The following RAB27A variants were observed in gnomAD, a reference collection of about 807,000 sequenced individuals.
The protein encoded by RAB27A is ras-related protein Rab-27A.
A neutral mutation model predicts 20.8 loss-of-function variants in RAB27A; 17 were observed. The observed-to-expected ratio is 0.82, with a 90% CI of 0.56 to 1.23. The LOEUF (loss-of-function observed/expected upper bound fraction) is 1.23, where lower values mean the gene tolerates loss of function less well. Ranked by LOEUF, RAB27A falls within the 50% of genes most tolerant of loss-of-function variation. RAB27A has a pLI of 0.00. For missense variants in RAB27A, 277 were observed against 266.7 expected (o/e 1.04, Z -0.27); for synonymous variants, 85 against 92.8 (o/e 0.92, Z 0.48).
At chr15:55,253,186 G>T (rs1367212793) in intron 2 of RAB27A, among the ~76,000 whole-genome samples, 2 of 147,582 alleles carry the variant, frequency 1.4e-5, no homozygotes, top group Non-Finnish European at 1.5e-5. Context: ...GGTGGCTCAT[G>T]CCTATAATCC....
chr15:55,292,557 G>A (rs1233971013), upstream of RAB27A, among the ~76,000 whole-genome samples: 3 of 152,242 alleles, frequency 2.0e-5, no homozygotes, highest in Admixed American at 6.5e-5. Flanking sequence ...ATGTAGGGGT[G>A]TGAAAGAGAG....
intron 2 of RAB27A, among the ~76,000 whole-genome samples, chr15:55,305,656 G>A (rs2054993560): frequency 6.6e-6 from 1 of 152,166 alleles, no homozygotes; most frequent in Admixed American, 6.5e-5. Context: ...GACAATTCCA[G>A]ATTGATTAAC....
At chr15:55,240,996 G>A (rs528656201) in intron 2 of RAB27A, among the ~76,000 whole-genome samples, 1 of 152,284 alleles carries the variant, frequency 6.6e-6, no homozygotes, top group Admixed American at 6.5e-5. Flanking sequence ...CTGAGCTAGT[G>A]TATACACACA....
chr15:55,210,224 T>TACATACACACATGTATGTGTGTATGTAC (rs1894950465), intron 6 of RAB27A, among the ~76,000 whole-genome samples: 1 of 150,320 alleles, frequency 6.7e-6, no homozygotes, highest in Non-Finnish European at 1.5e-5. Context: ...TGTGTATGTA[T>TACATACACACATGTATGTGTGTATGTAC]ATATACACAC....
Position 55,228,707 on chromosome 15 carries a change from C to G in RAB27A, c.245G>C (p.Arg82Pro). 1 of 1,610,856 alleles carries G rather than the reference C, an allele frequency of 6.2e-7. No homozygotes were observed. Among genetic ancestry groups the G allele is most frequent in the South Asian group, 1.1e-5 (1 of 91,028 alleles). The change falls in exon 5 of 7, where the codon CGT (arginine) becomes CCT (proline). Residue 82 changes from arginine (R) to proline (P), a missense_variant. Transcript: ENST00000336787. The part of the protein sequence containing the change: ...LWDTAGQERF[R>P]SLTTAFFRDA... The stretch of plus-strand genomic sequence containing the variant: ...TCTGAAGAACGCTGTCGTTAAGCTA[C>G]GAAACCTAGGAACATAAAAGCAGAA...
chr15:55,291,601 G>A (rs1262269692), upstream of RAB27A, among the ~76,000 whole-genome samples: 2 of 145,740 alleles, frequency 1.4e-5, no homozygotes, highest in Admixed American at 1.4e-4. Flanking sequence ...TCACTGATCA[G>A]CTAAAATCTG....
At chr15:55,274,198 T>C (rs1897786206) in intron 1 of RAB27A, among the ~76,000 whole-genome samples, 1 of 152,000 alleles carries the variant, frequency 6.6e-6, no homozygotes, top group South Asian at 2.1e-4. Context: ...TTGAGATACA[T>C]GAAAATAGAA....
chr15:55,275,994 G>A (rs1897863928), intron 1 of RAB27A, among the ~76,000 whole-genome samples: 1 of 150,846 alleles, frequency 6.6e-6, no homozygotes, highest in East Asian at 1.9e-4. Flanking sequence ...GTACGCTGTT[G>A]GTGGGAATAC....
intron 2 of RAB27A, among the ~76,000 whole-genome samples, chr15:55,313,801 G>C (rs2055031077): frequency 6.6e-6 from 1 of 152,012 alleles, no homozygotes; most frequent in South Asian, 2.1e-4. Flanking sequence ...GTGAAGCCCT[G>C]TCTCTACTAA....
chr15:55,216,396 G>A (rs1333592868), intron 6 of RAB27A, among the ~76,000 whole-genome samples: 2 of 152,046 alleles, frequency 1.3e-5, no homozygotes, highest in African/African-American at 4.8e-5. Flanking sequence ...AGCTGGGCAT[G>A]GTGGCACGTG....
intron 1 of RAB27A, among the ~76,000 whole-genome samples, chr15:55,285,347 C>T (rs1898122136): frequency 6.8e-6 from 1 of 147,770 alleles, no homozygotes. Context: ...AGGAACAAAA[C>T]TTTCAGCATT....
chr15:55,209,957 T>C (rs1165708174), intron 6 of RAB27A, among the ~76,000 whole-genome samples: 8 of 139,890 alleles, frequency 5.7e-5, no homozygotes, highest in Middle Eastern at 3.9e-3. Flanking sequence ...CACATACGCA[T>C]ATATGTGCGT....
intron 2 of RAB27A, among the ~76,000 whole-genome samples, chr15:55,258,698 G>GT (rs1258297750): frequency 6.6e-6 from 1 of 152,124 alleles, no homozygotes; most frequent in Non-Finnish European, 1.5e-5. Context: ...TCTCAAAATG[G>GT]TAACACATTG....
At chr15:55,238,972 C>T (rs1896375453) in intron 2 of RAB27A, among the ~76,000 whole-genome samples, 1 of 152,168 alleles carries the variant, frequency 6.6e-6, no homozygotes, top group East Asian at 1.9e-4. Context: ...AACTTTCTGA[C>T]TTTGGCTAAA....
chr15:55,299,294 C>T (rs1187693177), intron 2 of RAB27A, among the ~76,000 whole-genome samples: 1 of 152,112 alleles, frequency 6.6e-6, no homozygotes, highest in African/African-American at 2.4e-5. Context: ...ATTTGGGGCC[C>T]CTGACTTCCC....
chr15:55,302,491 G>A lies in RAB27A; in HGVS notation c.-112+11548C>T, dbSNP rs992859961. ...CCGAGATGGCAGCCTCTGCCCGGCC[G>A]CCACCCCGTCTGGGAAGTGAGGAGC... On this transcript the variant is annotated intron_variant, in intron 2 of 5. Coordinates refer to the RAB27A transcript ENST00000563262. Among the ~76,000 whole-genome samples, 20 of 151,994 alleles carry A rather than the reference G, an allele frequency of 1.3e-4. 1 individual carries two copies. The highest frequency in any genetic ancestry group is 4.2e-4 in the South Asian group (2 of 4,814).
At chr15:55,220,257 G>T (rs12442887) in intron 6 of RAB27A, among the ~76,000 whole-genome samples, 1 of 151,470 alleles carries the variant, frequency 6.6e-6, no homozygotes, top group African/African-American at 2.4e-5. Flanking sequence ...TTGTTTGTTT[G>T]TTTTTGTTTG....
chr15:55,283,064 G>A (rs949185237), intron 1 of RAB27A, among the ~76,000 whole-genome samples: 48 of 152,188 alleles, frequency 3.2e-4, no homozygotes, highest in African/African-American at 1.2e-3. Context: ...TTGGGAAACT[G>A]TAAGCCAAAG....
At chr15:55,271,612 T>C (rs1041218231) in intron 1 of RAB27A, among the ~76,000 whole-genome samples, 98 of 152,372 alleles carry the variant, frequency 6.4e-4, no homozygotes, top group African/African-American at 2.3e-3. Flanking sequence ...TGTATGCTAA[T>C]TATTCAATTT....
Sources: gnomAD v4.1 joint callset for allele counts (sites outside exome capture counted in the v4.1 genomes callset) on GRCh38, gnomAD v4.1.1 for gene constraint, MANE v1.5 for transcripts, NCBI Gene and HGNC (gene_info 2026-07-23, HGNC 2026-07-21) for gene names.